SLC2A9: variants seen among roughly 807,000 people sequenced by gnomAD.
The protein encoded by SLC2A9 is solute carrier family 2 member 9.
Under a neutral mutation model 50.6 loss-of-function variants are expected in SLC2A9, and 39 were observed. That is an observed-to-expected ratio of 0.77 (90% confidence interval 0.60 to 1.01). The LOEUF (loss-of-function observed/expected upper bound fraction) is 1.01. Ranked by LOEUF, SLC2A9 falls within the 50% of genes least tolerant of loss-of-function variation. SLC2A9 has a pLI of 0.00. For synonymous variants in SLC2A9, 324 were observed against 276.9 expected (o/e 1.17, Z -1.69); for missense variants, 686 against 677.6 (o/e 1.01, Z -0.14).
intron 1 of SLC2A9, among the ~76,000 whole-genome samples, chr4:10,031,481 C>T (rs1763939019): frequency 1.3e-5 from 2 of 152,230 alleles, no homozygotes; most frequent in Admixed American, 1.3e-4. Context: ...TGTGTTCTCC[C>T]ACGTGGGTAA....
intron 2 of SLC2A9, among the ~76,000 whole-genome samples, chr4:10,011,183 C>G (rs1326140268): frequency 1.3e-5 from 2 of 152,180 alleles, no homozygotes; most frequent in African/African-American, 4.8e-5. Flanking sequence ...ACATTGCTTC[C>G]AGAATCTTCC....
intron 8 of SLC2A9, among the ~76,000 whole-genome samples, chr4:9,899,943 A>G (rs1375860668): frequency 1.3e-5 from 2 of 152,214 alleles, no homozygotes; most frequent in East Asian, 3.8e-4. Context: ...TAGCTTCTGC[A>G]GTTTCTAAGT....
intron 8 of SLC2A9, among the ~76,000 whole-genome samples, chr4:9,906,227 G>C (rs558321069): frequency 3.5e-4 from 54 of 152,218 alleles, no homozygotes; most frequent in Admixed American, 2.9e-3. Flanking sequence ...GGGGTCACGC[G>C]GCTAATAAAA....
intron 3 of SLC2A9, among the ~76,000 whole-genome samples, chr4:9,792,072 A>C (rs1003997198): frequency 6.6e-6 from 1 of 152,006 alleles, no homozygotes; most frequent in Admixed American, 6.6e-5. Flanking sequence ...TGTGAGGGAC[A>C]GGATATGAAT....
chr4:9,838,476 A>G (rs1270436273), intron 10 of SLC2A9, among the ~76,000 whole-genome samples: 2 of 152,186 alleles, frequency 1.3e-5, no homozygotes, highest in Non-Finnish European at 2.9e-5. Context: ...ACTACCATTG[A>G]CATTCTTCAC....
intron 2 of SLC2A9, among the ~76,000 whole-genome samples, chr4:9,998,276 T>C (rs1341378243): frequency 6.6e-6 from 1 of 152,194 alleles, no homozygotes; most frequent in Non-Finnish European, 1.5e-5. Flanking sequence ...TGAGCCAGTA[T>C]ATGACACTGC....
intron 3 of SLC2A9, among the ~76,000 whole-genome samples, chr4:9,808,353 G>A (rs894054624): frequency 4.6e-5 from 7 of 152,144 alleles, no homozygotes; most frequent in Non-Finnish European, 7.3e-5. Flanking sequence ...GATCTCACTG[G>A]AACTTGAAAG....
At chr4:9,994,792 G>A (rs1452383958) in intron 3 of SLC2A9, among the ~76,000 whole-genome samples, 1 of 151,992 alleles carries the variant, frequency 6.6e-6, no homozygotes, top group Non-Finnish European at 1.5e-5. Flanking sequence ...TCCTTGAGGA[G>A]CAGCCTTGGG....
chr4:9,874,864 C>T (rs1018844521), intron 10 of SLC2A9, among the ~76,000 whole-genome samples: 6 of 143,336 alleles, frequency 4.2e-5, no homozygotes, highest in African/African-American at 5.3e-5. Flanking sequence ...TAATGTGGGA[C>T]GCTGTGTCTT....
intron 10 of SLC2A9, among the ~76,000 whole-genome samples, chr4:9,841,545 G>C (rs567027712): frequency 1.3e-5 from 2 of 152,132 alleles, no homozygotes; most frequent in South Asian, 4.1e-4. Context: ...TTATCTTCTA[G>C]TTTATCTTGG....
intron 6 of SLC2A9, among the ~76,000 whole-genome samples, chr4:9,927,679 C>T (rs779093452): frequency 2.0e-5 from 3 of 152,044 alleles, no homozygotes; most frequent in Admixed American, 2.0e-4. Context: ...TTTTTATTAC[C>T]GACAGCAGTT....
At chr4:9,809,193 T>C (rs1337530416) in intron 3 of SLC2A9, among the ~76,000 whole-genome samples, 1 of 152,162 alleles carries the variant, frequency 6.6e-6, no homozygotes, top group Non-Finnish European at 1.5e-5. Context: ...TTTTTAATTA[T>C]ACAAATGGAC....
chr4:9,931,674 C>A (rs557029593), intron 6 of SLC2A9, among the ~76,000 whole-genome samples: 2 of 152,168 alleles, frequency 1.3e-5, no homozygotes, highest in East Asian at 3.9e-4. Flanking sequence ...CACAAGAAAT[C>A]TCAGGGCTGA....
chr4:10,004,448 G>C (rs573166467), intron 2 of SLC2A9, among the ~76,000 whole-genome samples: 1 of 152,114 alleles, frequency 6.6e-6, no homozygotes, highest in Non-Finnish European at 1.5e-5. Flanking sequence ...CCACCAAGAC[G>C]CTGAGAATGT....
At chr4:9,783,607 C>T (rs1418503191) in intron 3 of SLC2A9, 12 of 778,396 alleles carry the variant, frequency 1.5e-5, no homozygotes, top group Non-Finnish European at 2.0e-5. Flanking sequence ...AGAAACCTCA[C>T]CCCATTGATT....
At chr4:9,790,772 T>TA (rs544680649) in intron 3 of SLC2A9, among the ~76,000 whole-genome samples, 82 of 152,306 alleles carry the variant, frequency 5.4e-4, no homozygotes, top group Admixed American at 1.9e-3. Flanking sequence ...TTCACTTTTT[T>TA]AAAAAAATTG....
chr4:9,873,854 A>G (rs1475632214), intron 10 of SLC2A9, among the ~76,000 whole-genome samples: 2 of 152,166 alleles, frequency 1.3e-5, no homozygotes, highest in African/African-American at 4.8e-5. Context: ...TAACCGATAC[A>G]AATTCCTTAG....
At chr4:9,783,357 C>A (rs1718777260) in intron 3 of SLC2A9, 3 of 1,614,112 alleles carry the variant, frequency 1.9e-6, no homozygotes. Context: ...ATCTATCAGA[C>A]GTCCCCAGAT....
At chr4:9,798,352 T>G (rs1230804424), downstream of SLC2A9, among the ~76,000 whole-genome samples, 1 of 152,234 alleles carries the variant, frequency 6.6e-6, no homozygotes, top group Non-Finnish European at 1.5e-5. Context: ...ACCTTCGCAA[T>G]CAGTCTGGAG....
Sources: allele counts gnomAD v4.1 joint callset (sites outside exome capture counted in the v4.1 genomes callset), GRCh38; gene constraint gnomAD v4.1.1; transcripts MANE v1.5; gene names NCBI Gene and HGNC (gene_info 2026-07-23, HGNC 2026-07-21).